Variants in PKP4 observed in about 807,000 individuals in gnomAD.
PKP4 encodes the protein plakophilin 4, also known as plakophilin-4.
In PKP4, 90 loss-of-function variants were observed where a neutral mutation model predicts 145.1. That is an observed-to-expected ratio of 0.62 (90% CI 0.52 to 0.74). The LOEUF (loss-of-function observed/expected upper bound fraction) is 0.74, where lower values mean the gene tolerates loss of function less well. PKP4 is among the 30% of genes least tolerant of loss of function. The pLI, the probability that PKP4 is intolerant of heterozygous loss-of-function variation, is 0.00. For missense variants in PKP4, 1,340 were observed against 1,482.7 expected, an observed-to-expected ratio of 0.90 and a Z score of 1.58; for synonymous variants, 563 against 577.2, an observed-to-expected ratio of 0.98 and a Z score of 0.35.
At chr2:158,459,912 A>G (rs900362661) in intron 1 of PKP4, among the ~76,000 whole-genome samples, 6 of 152,144 alleles carry the variant, frequency 3.9e-5, no homozygotes, top group African/African-American at 1.4e-4. Context: ...CAGATATTCA[A>G]AGAGTGGAAG....
At chr2:158,574,873 C>T (rs1234631326) in intron 2 of PKP4, among the ~76,000 whole-genome samples, 1 of 152,164 alleles carries the variant, frequency 6.6e-6, no homozygotes, top group East Asian at 1.9e-4. Flanking sequence ...AAAGGAATTG[C>T]CCTACTTTTA....
At chr2:158,521,802 G>A (rs73004808) in intron 1 of PKP4, among the ~76,000 whole-genome samples, 22,603 of 151,910 alleles carry the variant, frequency 0.15, 1,863 homozygotes, top group Middle Eastern at 0.28. Flanking sequence ...AAACAAAGAG[G>A]AACTTATGTT....
chr2:158,545,664 C>T (rs1418769079), intron 2 of PKP4, among the ~76,000 whole-genome samples: 1 of 152,102 alleles, frequency 6.6e-6, no homozygotes, highest in African/African-American at 2.4e-5. Flanking sequence ...TGCATATTTA[C>T]CCCCTAGGTT....
intron 1 of PKP4, among the ~76,000 whole-genome samples, chr2:158,471,953 A>T (rs1179455349): frequency 5.3e-5 from 8 of 152,234 alleles, no homozygotes; most frequent in South Asian, 4.1e-4. Flanking sequence ...GTAAAAATGC[A>T]TTCTTCCTCA....
At chr2:158,662,789 T>C (rs1262797223) in intron 13 of PKP4, 108 bp from the exon 14 acceptor site, 2 of 760,290 alleles carry the variant, frequency 2.6e-6, no homozygotes, top group Non-Finnish European at 4.1e-6. Flanking sequence ...AAATAAAAAG[T>C]AGTTCTTTCA....
chr2:158,621,362 G>C lies in PKP4; in HGVS notation c.544G>C (p.Gly182Arg). Residue 182 changes from glycine (G) to arginine (R), a missense_variant, in exon 6 of 22, where the codon GGA becomes CGA. By Grantham distance (125) the Gly-to-Arg change is moderately radical. Transcript: ENST00000389759. The stretch of plus-strand genomic sequence containing the variant: ...CAACAGACAGCAGCATTCATTCATA[G>C]GATCAACTAACAACCATGTGGTGAG... ...ADNRQQHSFIGSTNNHVVRNS... is the reference protein window; with the variant it reads ...ADNRQQHSFIRSTNNHVVRNS... 6.2e-7 allele frequency: 1 copy of C among 1,614,140 alleles called. No homozygotes were observed.
At chr2:158,534,048 CATT>C (rs2043821549) in intron 2 of PKP4, among the ~76,000 whole-genome samples, 1 of 151,984 alleles carries the variant, frequency 6.6e-6, no homozygotes, top group African/African-American at 2.4e-5. Flanking sequence ...TCCAAAACAA[CATT>C]ATGTGTCCCC....
At chr2:158,506,450 C>A (rs2040985408) in intron 1 of PKP4, among the ~76,000 whole-genome samples, 1 of 152,178 alleles carries the variant, frequency 6.6e-6, no homozygotes, top group South Asian at 2.1e-4. Flanking sequence ...TTATTTGAAG[C>A]TGCTGTTTTC....
At position 158,624,862 on chromosome 2, in the gene PKP4, C is replaced by A; in HGVS notation, c.604-16C>A. On this transcript the variant is annotated splice_polypyrimidine_tract_variant and intron_variant, in intron 6 of 21. Transcript: ENST00000389759. Reference sequence around the variant, plus strand: ...CCTGGATAAACCCATTCTCTTTTTTCCCCCCCTTTCATCAGCCATCAGTAG... The same window carrying A: ...CCTGGATAAACCCATTCTCTTTTTTACCCCCCTTTCATCAGCCATCAGTAG... The A allele has an allele frequency of 6.5e-7, 1 of 1,536,836 alleles. No homozygotes were observed. The highest frequency in any genetic ancestry group is 8.8e-7 in the Non-Finnish European group (1 of 1,139,064).
At chr2:158,505,042 T>G (rs1489143114) in intron 1 of PKP4, among the ~76,000 whole-genome samples, 1 of 152,188 alleles carries the variant, frequency 6.6e-6, no homozygotes, top group African/African-American at 2.4e-5. Context: ...AGGTGGAAAT[T>G]AAGAGTTCTT....
chr2:158,510,937 CT>C (rs796202110), intron 1 of PKP4, among the ~76,000 whole-genome samples: 36 of 152,342 alleles, frequency 2.4e-4, no homozygotes, highest in African/African-American at 8.7e-4. Flanking sequence ...ATCTGCTCTA[CT>C]TTTCTGTCAC....
At chr2:158,472,596 G>C (rs1691756748) in intron 1 of PKP4, among the ~76,000 whole-genome samples, 1 of 127,472 alleles carries the variant, frequency 7.8e-6, no homozygotes, top group Non-Finnish European at 1.6e-5. Context: ...CTGGGACACA[G>C]AGCGAGGCTC....
At chr2:158,500,871 A>G (rs1195584939) in intron 1 of PKP4, among the ~76,000 whole-genome samples, 1 of 152,200 alleles carries the variant, frequency 6.6e-6, no homozygotes, top group Admixed American at 6.5e-5. Flanking sequence ...TTTGGGCAGA[A>G]TGAATAGCAG....
chr2:158,661,267 T>G, intron 12 of PKP4, 66 bp from the exon 13 acceptor site: 2 of 1,183,028 alleles, frequency 1.7e-6, no homozygotes, highest in Non-Finnish European at 2.5e-6. Flanking sequence ...ATCCTTAAGG[T>G]TAAGTCCACG....
At chr2:158,596,624 C>A (rs113376114) in intron 3 of PKP4, among the ~76,000 whole-genome samples, 1 of 111,040 alleles carries the variant, frequency 9.0e-6, no homozygotes, top group East Asian at 3.3e-4. Flanking sequence ...GACCTTGTCT[C>A]TTTAAAAAAA....
intron 1 of PKP4, among the ~76,000 whole-genome samples, chr2:158,521,964 T>G (rs570098737): frequency 3.2e-4 from 48 of 152,218 alleles, no homozygotes; most frequent in Non-Finnish European, 5.7e-4. Flanking sequence ...TAACCTTTAT[T>G]TTTTATTAAT....
intron 20 of PKP4, chr2:158,677,249 A>ATCT (rs1206239366): frequency 1.6e-5 from 5 of 315,560 alleles, no homozygotes; most frequent in African/African-American, 1.1e-4. Flanking sequence ...CAGGGGCCAC[A>ATCT]TCTTCTAGAC....
At chr2:158,506,823 A>G (rs2041022252) in intron 1 of PKP4, among the ~76,000 whole-genome samples, 1 of 152,242 alleles carries the variant, frequency 6.6e-6, no homozygotes, top group Non-Finnish European at 1.5e-5. Context: ...CCCTCAGACT[A>G]GAGTGTTCAT....
intron 3 of PKP4, among the ~76,000 whole-genome samples, chr2:158,601,989 A>G (rs1037677737): frequency 3.3e-5 from 5 of 152,166 alleles, no homozygotes; most frequent in Non-Finnish European, 7.4e-5. Flanking sequence ...TTTAATAAGC[A>G]CTCAAAAAAA....
Sources: allele counts gnomAD v4.1 joint callset (sites outside exome capture counted in the v4.1 genomes callset), GRCh38; gene constraint gnomAD v4.1.1; transcripts MANE v1.5; gene names NCBI Gene and HGNC (gene_info 2026-07-23, HGNC 2026-07-21).